ASAP2: variants seen among roughly 807,000 people sequenced by gnomAD.
The protein encoded by ASAP2 is arf-GAP with SH3 domain, ANK repeat and PH domain-containing protein 2.
Under a neutral mutation model 131.4 loss-of-function variants are expected in ASAP2, and 45 were observed. The observed-to-expected ratio is 0.34, with a 90% CI of 0.27 to 0.44. ASAP2 has a LOEUF of 0.44. Among genes scored for constraint, ASAP2 ranks in the 20% least tolerant of loss-of-function variants. The probability of loss-of-function intolerance (pLI) is 1.00; values close to 1 mark genes in which losing one functional copy is unlikely to be tolerated. For synonymous variants in ASAP2, 510 were observed against 503.0 expected, an observed-to-expected ratio of 1.01 and a Z score of -0.19; for missense variants, 1,011 against 1,297.0, an observed-to-expected ratio of 0.78 and a Z score of 3.39.
At position 9,368,469 on chromosome 2, in the gene ASAP2, A is replaced by G. The variant is rs865935860; in HGVS notation, c.1506A>G (p.Glu502=). The G allele has an allele frequency of 1.2e-6, 2 of 1,614,174 alleles. No individual in the cohort carries two copies. Among genetic ancestry groups the G allele is most frequent in the South Asian group, 2.2e-5 (2 of 91,090 alleles). The change falls in exon 16 of 28, where the codon GAA becomes GAG. Residue 502 remains glutamate, a synonymous_variant. Coordinates refer to ENST00000281419, the MANE Select transcript of ASAP2 (RefSeq NM_003887.3). ...IGNAGFNEIM[E]CCLPAEDSVK... ...ATGCAGGCTTTAATGAGATCATGGAATGTTGCCTACCAGCTGAGGACTCAG... is the reference window on the plus strand; with the variant it reads ...ATGCAGGCTTTAATGAGATCATGGAGTGTTGCCTACCAGCTGAGGACTCAG...
intron 9 of ASAP2, among the ~76,000 whole-genome samples, chr2:9,338,159 C>G (rs1671342494): frequency 6.6e-6 from 1 of 152,186 alleles, no homozygotes; most frequent in South Asian, 2.1e-4. Context: ...TGCAGGCTCT[C>G]TCTGCTGTTT....
chr2:9,362,884 A>C (rs892868651), intron 15 of ASAP2, among the ~76,000 whole-genome samples: 8 of 152,168 alleles, frequency 5.3e-5, no homozygotes, highest in Non-Finnish European at 1.5e-5. Context: ...TATTAAGTAG[A>C]GTCACTGTGT....
At chr2:9,272,198 T>C (rs913853020) in intron 1 of ASAP2, among the ~76,000 whole-genome samples, 2 of 152,224 alleles carry the variant, frequency 1.3e-5, no homozygotes, top group Non-Finnish European at 2.9e-5. Flanking sequence ...GGTTCCCTTT[T>C]CTCCACATCC....
At chr2:9,360,995 G>C (rs1006772212) in intron 15 of ASAP2, among the ~76,000 whole-genome samples, 2 of 152,106 alleles carry the variant, frequency 1.3e-5, no homozygotes, top group African/African-American at 2.4e-5. Flanking sequence ...AGAAGAAAAT[G>C]CCAAAGAAAG....
chr2:9,387,812 G>C (rs1450314378), intron 21 of ASAP2, among the ~76,000 whole-genome samples: 5 of 152,094 alleles, frequency 3.3e-5, no homozygotes, highest in African/African-American at 1.2e-4. Flanking sequence ...AAAAGAAAGA[G>C]GTCTAATTCA....
intron 6 of ASAP2, among the ~76,000 whole-genome samples, chr2:9,326,428 G>A (rs1465939355): frequency 1.3e-5 from 2 of 152,112 alleles, no homozygotes; most frequent in African/African-American, 4.8e-5. Flanking sequence ...AAGAAATTCA[G>A]TATGTCAAAT....
rs1313202291 is a variant in ASAP2 at position 9,392,714 on chromosome 2, G to A, written c.2519-768G>A. 6.6e-6 allele frequency among the ~76,000 whole-genome samples: 1 copy of A among 152,220 alleles called. No individual in the cohort carries two copies. The highest frequency in any genetic ancestry group is 1.5e-5 in the Non-Finnish European group (1 of 68,036). On this transcript the variant is annotated intron_variant, in intron 23 of 27. Transcript: ENST00000281419. The surrounding 1 kb of genome is among the most constrained non-coding windows in gnomAD (Gnocchi z 4.0). ...GTTTCCCCACGCCAGTTTCCTCTCTGTGTAGCTGAAGGCCTCATTCTTCCT... is the reference window on the plus strand; with the variant it reads ...GTTTCCCCACGCCAGTTTCCTCTCTATGTAGCTGAAGGCCTCATTCTTCCT...
intron 18 of ASAP2, among the ~76,000 whole-genome samples, chr2:9,378,729 G>T (rs889512944): frequency 6.6e-6 from 1 of 152,180 alleles, no homozygotes; most frequent in South Asian, 2.1e-4. Flanking sequence ...TGCCATCATC[G>T]TGTTATTTCC....
At chr2:9,315,623 G>A (rs1669613934) in intron 3 of ASAP2, among the ~76,000 whole-genome samples, 1 of 152,086 alleles carries the variant, frequency 6.6e-6, no homozygotes, top group Non-Finnish European at 1.5e-5. Context: ...AACTGTGACG[G>A]GAGTTTCATT....
At chr2:9,370,659 CAT>C (rs1302890480) in intron 16 of ASAP2, among the ~76,000 whole-genome samples, 2 of 152,160 alleles carry the variant, frequency 1.3e-5, no homozygotes, top group Admixed American at 1.3e-4. Context: ...TGGGGTCAGA[CAT>C]GTGGTGCTTA....
At position 9,258,265 on chromosome 2, in the gene ASAP2, A is replaced by G. The variant is rs568294414; in HGVS notation, c.127-21052A>G. Among the ~76,000 whole-genome samples the G allele has an allele frequency of 6.1e-5, 9 of 148,232 alleles. No homozygotes were observed. The South Asian group carries it at 1.5e-3, about 25-fold the overall frequency. ...ATCTCAAAAAAAAAAAAAAATTTCT[A>G]TGATTACCAGCTATTTATTTGTAAA... On this transcript the variant is annotated intron_variant, in intron 1 of 27. Transcript: ENST00000281419.
chr2:9,306,137 A>G (rs1668921090), intron 3 of ASAP2, among the ~76,000 whole-genome samples: 1 of 37,282 alleles, frequency 2.7e-5, no homozygotes, highest in Non-Finnish European at 5.0e-5. Flanking sequence ...GGGCTGGCGT[A>G]GTGGGGGTGT....
intron 1 of ASAP2, among the ~76,000 whole-genome samples, chr2:9,266,784 G>C (rs950234777): frequency 2.6e-5 from 4 of 152,204 alleles, no homozygotes; most frequent in African/African-American, 9.7e-5. Flanking sequence ...AAGTAGTTTA[G>C]TAAGATTGCC....
At chr2:9,388,104 CAAG>C (rs776527794) in intron 21 of ASAP2, among the ~76,000 whole-genome samples, 187 bp from the exon 22 acceptor site, 30 of 152,238 alleles carry the variant, frequency 2.0e-4, no homozygotes, top group Non-Finnish European at 2.8e-4. Flanking sequence ...TCACGAGACA[CAAG>C]GAGGAGTGAA....
At chr2:9,388,579 T>C in intron 22 of ASAP2, 33 bp downstream of exon 22, 1 of 1,594,990 alleles carries the variant, frequency 6.3e-7, no homozygotes. Flanking sequence ...TGTGAATATA[T>C]AGAGGGTCTT....
chr2:9,258,509 A>G (rs1665336565), intron 1 of ASAP2, among the ~76,000 whole-genome samples: 1 of 152,072 alleles, frequency 6.6e-6, no homozygotes, highest in Non-Finnish European at 1.5e-5. Flanking sequence ...CTCAGAGGAG[A>G]AGTGGCTCAC....
At chr2:9,367,642 TC>T in intron 15 of ASAP2, among the ~76,000 whole-genome samples, 1 of 151,926 alleles carries the variant, frequency 6.6e-6, no homozygotes, top group East Asian at 2.0e-4. Context: ...GTGCCTATAG[TC>T]CCCGCTGCTT....
At position 9,368,350 on chromosome 2, in the gene ASAP2, G is replaced by A. The variant is rs1673638745; in HGVS notation, c.1462-75G>A. ...TTAGTGGCCATTAAATAAATCATCAGATGGGGATGGGTAATGTGTAGCAGT... is the reference window on the plus strand; with the variant it reads ...TTAGTGGCCATTAAATAAATCATCAAATGGGGATGGGTAATGTGTAGCAGT... On this transcript the variant is annotated intron_variant, in intron 15 of 27. Coordinates refer to ENST00000281419, the MANE Select transcript of ASAP2 (RefSeq NM_003887.3). 4 of 1,327,682 alleles carry A rather than the reference G, an allele frequency of 3.0e-6. No individual in the cohort carries two copies. The Admixed American group carries it at 6.9e-5, about 23-fold the overall frequency. 82.2% of individuals were successfully genotyped at this position (1,327,682 alleles called of 1,614,324 possible).
chr2:9,297,141 G>T (rs575292587), intron 2 of ASAP2, among the ~76,000 whole-genome samples, 159 bp from the exon 3 acceptor site: 1 of 152,290 alleles, frequency 6.6e-6, no homozygotes, highest in East Asian at 1.9e-4. Flanking sequence ...ACGGGTTGTT[G>T]TTGGGATAAC....
Sources: allele counts gnomAD v4.1 joint callset (sites outside exome capture counted in the v4.1 genomes callset), GRCh38; gene constraint gnomAD v4.1.1; non-coding constraint Gnocchi (gnomAD v3.1); transcripts MANE v1.5; gene names NCBI Gene and HGNC (gene_info 2026-07-23, HGNC 2026-07-21).